Variants in STK10 observed in about 807,000 individuals in gnomAD.
STK10 encodes the protein serine/threonine kinase 10.
STK10 carries 78 observed loss-of-function variants against 113.8 expected under a neutral mutation model. That is an observed-to-expected ratio of 0.69 (90% CI 0.57 to 0.83). The LOEUF (loss-of-function observed/expected upper bound fraction) is 0.83. Ranked by LOEUF, STK10 falls within the 40% of genes least tolerant of loss-of-function variation. The pLI, the probability that STK10 is intolerant of heterozygous loss-of-function variation, is 0.00. For synonymous variants in STK10, 465 were observed against 494.7 expected, an observed-to-expected ratio of 0.94 and a Z score of 0.80; for missense variants, 1,109 against 1,280.1, an observed-to-expected ratio of 0.87 and a Z score of 2.04.
rs2306962 is a variant in STK10, at chr5:172,106,652, C to T, written c.756G>A (p.Ser252=). The T allele has an allele frequency of 0.71, 1,143,959 of 1,612,750 alleles. 409,242 individuals are homozygous for T. The highest frequency in any genetic ancestry group is 0.84 in the East Asian group (37,598 of 44,810). The part of the protein sequence containing the change: ...PMRVLLKIAK[S]DPPTLLTPSK... ...AGGGCGTGAGCAGCGTGGGAGGGTCCGACTTGGCGATCTTTAGCAGGACCC... is the reference window on the plus strand; with the variant it reads ...AGGGCGTGAGCAGCGTGGGAGGGTCTGACTTGGCGATCTTTAGCAGGACCC... Residue 252 remains serine (S), a synonymous_variant, in exon 6 of 19, where the codon TCG becomes TCA. Coordinates refer to ENST00000176763, the MANE Select transcript of STK10 (RefSeq NM_005990.4).
At chr5:172,064,948 G>T in intron 12 of STK10, 136 bp from the exon 13 acceptor site, 3 of 877,846 alleles carry the variant, frequency 3.4e-6, no homozygotes, top group East Asian at 5.3e-5. Flanking sequence ...CACCCTACGC[G>T]GCTCCCCACC....
At chr5:172,079,406 T>C (rs1211083227) in intron 12 of STK10, among the ~76,000 whole-genome samples, 1 of 152,158 alleles carries the variant, frequency 6.6e-6, no homozygotes, top group East Asian at 1.9e-4. Context: ...AAAGCAGATC[T>C]CTCCAGATCT....
At chr5:172,057,324 A>C (rs1473194716) in intron 15 of STK10, 25 bp downstream of exon 15, 1 of 1,576,862 alleles carries the variant, frequency 6.3e-7, no homozygotes, top group Non-Finnish European at 8.6e-7. Flanking sequence ...AGCAGATCCG[A>C]GCCCCGTGCC....
Position 172,187,684 on chromosome 5 carries a change from G to C in STK10, c.156+203C>G, listed in dbSNP as rs953991661. ...TGGGGGCGGCAACCGTGCCCGGAGGGGGCGCCCAGAGCGCAGGGACTCGGC... is the reference window on the plus strand; with the variant it reads ...TGGGGGCGGCAACCGTGCCCGGAGGCGGCGCCCAGAGCGCAGGGACTCGGC... On this transcript the variant is annotated intron_variant, in intron 1 of 18. Coordinates refer to ENST00000176763, the MANE Select transcript of STK10 (RefSeq NM_005990.4). The surrounding 1 kb of genome is among the most constrained non-coding windows in gnomAD (Gnocchi z 4.6). Among the ~76,000 whole-genome samples, 1 of 152,198 alleles carries C rather than the reference G, an allele frequency of 6.6e-6. No homozygotes were observed. The highest frequency in any genetic ancestry group is 6.5e-5 in the Admixed American group (1 of 15,286).
chr5:172,079,925 C>T (rs1275373983), intron 12 of STK10, among the ~76,000 whole-genome samples: 2 of 152,004 alleles, frequency 1.3e-5, no homozygotes, highest in African/African-American at 2.4e-5. Flanking sequence ...GCAGGTATAC[C>T]TCATTTTTTC....
chr5:172,044,945 T>A lies in STK10; in HGVS notation c.2844A>T (p.Pro948=). The A allele has an allele frequency of 6.2e-7, 1 of 1,614,174 alleles. No individual in the cohort carries two copies. The highest frequency in any genetic ancestry group is 8.5e-7 in the Non-Finnish European group (1 of 1,180,020). ...FFKLSEEAEC[P]NPSTPSKAAK... ...CGGCCTTGCTTGGGGTGGAGGGGTT[T>A]GGGCACTCCGCCTCCTCGCTCAGCT... Residue 948 remains proline, a synonymous_variant, in exon 19 of 19, where the codon CCA becomes CCT. Transcript: ENST00000176763. This position sits in a 1 kb window ranked among gnomAD's most constrained non-coding sequence, Gnocchi z 4.5.
In STK10 at chr5:172,145,874, C is replaced by T. The variant is rs572169364; in HGVS notation, c.321+10750G>A. Among the ~76,000 whole-genome samples the T allele has an allele frequency of 7.9e-5, 12 of 152,302 alleles. No homozygotes were observed. The East Asian group carries it at 1.9e-3, about 25-fold the overall frequency. On this transcript the variant is annotated intron_variant, in intron 2 of 18. Coordinates refer to ENST00000176763, the MANE Select transcript of STK10 (RefSeq NM_005990.4). ...ATTAGTAGCATGTCCATGCTGTGTC[C>T]GTGCTGTGTCCATGCTGGAAACCGA...
intron 1 of STK10, among the ~76,000 whole-genome samples, chr5:172,183,306 T>C (rs1364648479): frequency 6.6e-6 from 1 of 152,244 alleles, no homozygotes; most frequent in Non-Finnish European, 1.5e-5. Context: ...CATGAGTACC[T>C]GTGTTGCCTG....
chr5:172,092,624 T>C (rs1334415383), intron 9 of STK10: 2 of 152,166 alleles, frequency 1.3e-5, no homozygotes, highest in East Asian at 1.9e-4. Context: ...TTCGAGTCTC[T>C]ACTGCGTGTT....
chr5:172,127,477 G>C (rs570526426), intron 2 of STK10, 56 bp from the exon 3 acceptor site: 1 of 1,592,940 alleles, frequency 6.3e-7, no homozygotes, highest in African/African-American at 1.3e-5. Context: ...CCGTCGAGAC[G>C]GGAACCCCAC....
intron 7 of STK10, among the ~76,000 whole-genome samples, chr5:172,101,556 A>C (rs921045523): frequency 6.6e-6 from 1 of 152,068 alleles, no homozygotes; most frequent in Non-Finnish European, 1.5e-5. Context: ...GGGACCTATC[A>C]GCGAACAAAA....
rs193225840 is a variant in STK10 at position 172,095,569 on chromosome 5, C to G, written c.1005+857G>C. ...AGAGCTGTAGAGGGCCCGGCAGCCACCAGGGGCTCCATGCATGGCGGGGGT... is the reference window on the plus strand; with the variant it reads ...AGAGCTGTAGAGGGCCCGGCAGCCAGCAGGGGCTCCATGCATGGCGGGGGT... On this transcript the variant is annotated intron_variant, in intron 8 of 18. Transcript: ENST00000176763. Among the ~76,000 whole-genome samples the G allele has an allele frequency of 3.1e-3, 469 of 152,388 alleles. 3 individuals are homozygous for G. Among genetic ancestry groups the G allele is most frequent in the Admixed American group, 8.4e-3 (128 of 15,308 alleles).
chr5:172,107,001 G>A, intron 5 of STK10, 187 bp from the exon 6 acceptor site: 1 of 543,314 alleles, frequency 1.8e-6, no homozygotes, highest in South Asian at 2.6e-5. Flanking sequence ...GCCTCCACGC[G>A]GCTCCCCGCC....
chr5:172,156,689 C>T lies in STK10; in HGVS notation c.256G>A (p.Ala86Thr). ...EDYIVEIEIL[A>T]TCDHPYIVKL... ...ACAATGTAGGGGTGGTCGCAGGTGG[C>T]CAGGATCTCAATCTCCACGATGTAG... is the stretch of plus-strand genomic sequence containing the variant. Residue 86 changes from alanine to threonine, a missense_variant, in exon 2 of 19, where the codon GCC (alanine) becomes ACC (threonine). Physicochemically the swap from Ala to Thr is moderately conservative, Grantham distance 58 (BLOSUM62 0). Transcript: ENST00000176763. The T allele has an allele frequency of 6.2e-7, 1 of 1,614,120 alleles. No individual in the cohort carries two copies. The highest frequency in any genetic ancestry group is 8.5e-7 in the Non-Finnish European group (1 of 1,180,008).
intron 2 of STK10, among the ~76,000 whole-genome samples, chr5:172,151,696 C>T (rs142891102): frequency 6.6e-5 from 10 of 152,314 alleles, no homozygotes; most frequent in African/African-American, 2.2e-4. Context: ...TGTGTTCATG[C>T]GCTGTTAGTT....
chr5:172,136,346 C>T (rs1426899416), intron 2 of STK10, among the ~76,000 whole-genome samples: 13 of 152,200 alleles, frequency 8.5e-5, no homozygotes, highest in Non-Finnish European at 1.9e-4. Flanking sequence ...CCTGTCATCC[C>T]AGCACTTTGG....
At chr5:172,114,449 TTATATATATA>T (rs1174071621) in intron 4 of STK10, 12 of 38,238 alleles carry the variant, frequency 3.1e-4, no homozygotes, top group South Asian at 8.1e-4. Context: ...TATATTAAAA[TTATATATATA>T]TATATATATA....
chr5:172,103,537 C>T (rs1048350248), intron 7 of STK10, among the ~76,000 whole-genome samples: 1 of 152,112 alleles, frequency 6.6e-6, no homozygotes, highest in Non-Finnish European at 1.5e-5. Context: ...TTACAGGAAA[C>T]AATTGGCCCC....
intron 18 of STK10, among the ~76,000 whole-genome samples, chr5:172,048,453 A>ACACACACACACACACAC (rs58262876): frequency 6.8e-6 from 1 of 146,826 alleles, no homozygotes; most frequent in Non-Finnish European, 1.5e-5. Context: ...ACACACACAC[A>ACACACACACACACACAC]TCCTCTCTCT....
Sources: gnomAD v4.1 joint callset for allele counts (sites outside exome capture counted in the v4.1 genomes callset) on GRCh38, gnomAD v4.1.1 for gene constraint, Gnocchi (gnomAD v3.1) non-coding constraint, MANE v1.5 for transcripts, NCBI Gene and HGNC (gene_info 2026-07-23, HGNC 2026-07-21) for gene names.